The following WASL variants were observed in gnomAD, a reference collection of about 807,000 sequenced individuals.
The protein encoded by WASL is actin nucleation-promoting factor WASL.
WASL carries 20 observed loss-of-function variants against 55.5 expected under a neutral mutation model. The observed-to-expected ratio is 0.36, with a 90% confidence interval of 0.25 to 0.52. The LOEUF (loss-of-function observed/expected upper bound fraction) is 0.52. Among genes scored for constraint, WASL ranks in the 20% least tolerant of loss-of-function variants. WASL has a pLI of 0.92. For synonymous variants in WASL, 249 were observed against 217.6 expected, an observed-to-expected ratio of 1.14 and a Z score of -1.27; for missense variants, 504 against 622.5, an observed-to-expected ratio of 0.81 and a Z score of 2.03.
chr7:123,727,822 C>T (rs1804076970), intron 1 of WASL, among the ~76,000 whole-genome samples: 1 of 152,020 alleles, frequency 6.6e-6, no homozygotes, highest in African/African-American at 2.4e-5. Context: ...ATAAATTATA[C>T]CGTAATTTCT....
chr7:123,737,514 T>C (rs1804255571), intron 1 of WASL, among the ~76,000 whole-genome samples: 1 of 148,796 alleles, frequency 6.7e-6, no homozygotes, highest in African/African-American at 2.5e-5. Context: ...GAGAATCTCT[T>C]GACCTGGGAG....
In WASL at chr7:123,693,462, C is replaced by A. The variant is rs564450253; in HGVS notation, c.827-595G>T. Among the ~76,000 whole-genome samples the A allele has an allele frequency of 2.0e-5, 3 of 152,282 alleles. No individual in the cohort carries two copies. In the East Asian group the frequency reaches 5.8e-4, roughly 29 times the overall value. On this transcript the variant is annotated intron_variant, in intron 8 of 10. Coordinates refer to ENST00000223023, the MANE Select transcript of WASL (RefSeq NM_003941.4). The stretch of plus-strand genomic sequence containing the variant: ...TAATGTCTGTATCTCTAAAAATTGT[C>A]TGCAATTCTAGTAATGGCATTATAG...
intron 1 of WASL, among the ~76,000 whole-genome samples, chr7:123,742,455 C>T (rs3779258): frequency 0.14 from 21,242 of 152,104 alleles, 1,821 homozygotes; most frequent in African/African-American, 0.21. Flanking sequence ...TCTAAAGTAA[C>T]CAAGTCAATT....
intron 5 of WASL, among the ~76,000 whole-genome samples, chr7:123,703,851 A>G (rs976076131): frequency 6.6e-6 from 1 of 152,206 alleles, no homozygotes; most frequent in African/African-American, 2.4e-5. Context: ...CTATCATAAC[A>G]AAGTGTGCTG....
chr7:123,724,653 T>C (rs1804012172), intron 1 of WASL, among the ~76,000 whole-genome samples: 3 of 152,146 alleles, frequency 2.0e-5, no homozygotes, highest in Admixed American at 2.0e-4. Flanking sequence ...CGGATTGAAC[T>C]GAGAGGGGTG....
chr7:123,701,826 ATAAT>A (rs1021923298), intron 5 of WASL, among the ~76,000 whole-genome samples: 12 of 152,130 alleles, frequency 7.9e-5, no homozygotes, highest in African/African-American at 2.7e-4. Flanking sequence ...ACTTGTATTA[ATAAT>A]TATTTATTTC....
rs1299199244 is a variant in WASL, at chr7:123,709,176, A to G, written c.165T>C (p.Cys55=). 6.2e-7 allele frequency: 1 copy of G among 1,612,848 alleles called. No homozygotes were observed. Among genetic ancestry groups the G allele is most frequent in the Admixed American group, 1.7e-5 (1 of 59,904 alleles). ...CACCACTGCACTTCTTTGACCACAT[A>G]CAGTTCCGATCTGCTGCATATAACT... ...VVQLYAADRN[C]MWSKKCSGVA... is the part of the protein sequence containing the mutation. The change falls in exon 2 of 11, where the codon TGT becomes TGC. Residue 55 remains cysteine, a synonymous_variant. Coordinates refer to ENST00000223023, the MANE Select transcript of WASL (RefSeq NM_003941.4).
At chr7:123,693,657 T>C (rs1255736805) in intron 8 of WASL, among the ~76,000 whole-genome samples, 3 of 152,144 alleles carry the variant, frequency 2.0e-5, no homozygotes, top group Non-Finnish European at 4.4e-5. Context: ...TCAGTGAAAA[T>C]GTAAGATATA....
At chr7:123,692,272 A>C in intron 9 of WASL, 75 bp downstream of exon 9, 1 of 1,514,044 alleles carries the variant, frequency 6.6e-7, no homozygotes, top group Non-Finnish European at 8.8e-7. Flanking sequence ...CTTTTCAAAA[A>C]TATCTTTCAA....
chr7:123,707,744 AC>A (rs1803694003), intron 2 of WASL, among the ~76,000 whole-genome samples: 1 of 152,200 alleles, frequency 6.6e-6, no homozygotes, highest in South Asian at 2.1e-4. Context: ...ATGTCAAAGC[AC>A]TTGGGGGTTT....
intron 1 of WASL, among the ~76,000 whole-genome samples, chr7:123,729,249 T>C (rs950173637): frequency 2.6e-5 from 4 of 152,166 alleles, no homozygotes; most frequent in Admixed American, 2.6e-4. Context: ...TTAAATGAAA[T>C]AGTTTACATT....
chr7:123,731,844 T>G (rs1804142316), intron 1 of WASL, among the ~76,000 whole-genome samples: 1 of 151,770 alleles, frequency 6.6e-6, no homozygotes, highest in Non-Finnish European at 1.5e-5. Context: ...AGTATCTAAC[T>G]TACGAAACTA....
chr7:123,736,384 G>A (rs1258515591), intron 1 of WASL, among the ~76,000 whole-genome samples: 3 of 152,128 alleles, frequency 2.0e-5, no homozygotes, highest in African/African-American at 7.2e-5. Context: ...ATAACCAAGT[G>A]AATAAATATA....
chr7:123,699,062 G>C (rs1311454035), intron 5 of WASL, among the ~76,000 whole-genome samples: 1 of 152,166 alleles, frequency 6.6e-6, no homozygotes, highest in African/African-American at 2.4e-5. Context: ...TAAAATGTAA[G>C]AATTAAGACA....
intron 1 of WASL, chr7:123,720,463 T>C: frequency 5.4e-6 from 2 of 370,672 alleles, no homozygotes; most frequent in Non-Finnish European, 1.0e-5. Context: ...CTGTACACAA[T>C]ACCACAAACA....
intron 1 of WASL, among the ~76,000 whole-genome samples, chr7:123,725,345 T>A (rs1355868079): frequency 1.3e-5 from 2 of 152,168 alleles, no homozygotes; most frequent in Non-Finnish European, 2.9e-5. Context: ...AACAGACTTT[T>A]AAACTCAAGA....
At chr7:123,729,491 T>C (rs981385453) in intron 1 of WASL, among the ~76,000 whole-genome samples, 7 of 152,128 alleles carry the variant, frequency 4.6e-5, no homozygotes, top group African/African-American at 1.7e-4. Flanking sequence ...TTTTTCAAAG[T>C]CTCGCAGCTG....
At chr7:123,715,742 C>T (rs989713138) in intron 1 of WASL, among the ~76,000 whole-genome samples, 3 of 152,140 alleles carry the variant, frequency 2.0e-5, no homozygotes, top group Non-Finnish European at 4.4e-5. Flanking sequence ...CAACCACACA[C>T]CAATCTTATA....
At position 123,684,546 on chromosome 7, in the gene WASL, A is replaced by C; in HGVS notation, c.1491T>G (p.Phe497Leu). The C allele has an allele frequency of 2.3e-6, 3 of 1,312,414 alleles. No homozygotes were observed. Among genetic ancestry groups the C allele is most frequent in the Non-Finnish European group, 3.2e-6 (3 of 936,230 alleles). The allele number at this position is 1,312,414 out of a possible 1,614,324, so 81.3% of individuals were successfully genotyped here. Residue 497 changes from phenylalanine to leucine, a missense_variant, in exon 11 of 11, where the codon TTT (phenylalanine) becomes TTG (leucine). By Grantham distance (22) the Phe-to-Leu change is conservative. Coordinates refer to ENST00000223023, the MANE Select transcript of WASL (RefSeq NM_003941.4). ...EDEDEDDEED[F>L]EDDDEWED ...AGTCTTCCCACTCATCATCATCCTCAAAATCTTCTTCATCATCTTCATCTT... is the reference window on the plus strand; with the variant it reads ...AGTCTTCCCACTCATCATCATCCTCCAAATCTTCTTCATCATCTTCATCTT...
Sources: gnomAD v4.1 joint callset for allele counts (sites outside exome capture counted in the v4.1 genomes callset) on GRCh38, gnomAD v4.1.1 for gene constraint, MANE v1.5 for transcripts, NCBI Gene and HGNC (gene_info 2026-07-23, HGNC 2026-07-21) for gene names.